The following ZNF423 variants were observed in gnomAD, a reference collection of about 807,000 sequenced individuals.
ZNF423 encodes zinc finger protein 423, also known as Ebf-associated zinc finger protein.
In ZNF423, 12 loss-of-function variants were observed where a neutral mutation model predicts 95.8. The ratio of observed to expected loss-of-function variants is 0.13; its 90% confidence interval spans 0.08 to 0.20. ZNF423 has a LOEUF of 0.20. Ranked by LOEUF, ZNF423 falls within the 10% of genes least tolerant of loss-of-function variation. The pLI is 1.00. For missense variants in ZNF423, 1,316 were observed against 1,737.1 expected, an observed-to-expected ratio of 0.76 and a Z score of 4.31; for synonymous variants, 749 against 711.9, an observed-to-expected ratio of 1.05 and a Z score of -0.83.
At chr16:49,581,151 G>C (rs1178218569) in intron 5 of ZNF423, among the ~76,000 whole-genome samples, 1 of 143,074 alleles carries the variant, frequency 7.0e-6, no homozygotes, top group Non-Finnish European at 1.6e-5. Flanking sequence ...TGTTCCTCCA[G>C]CCCCACTGAT....
At position 49,563,223 on chromosome 16, in the gene ZNF423, G is replaced by A. The variant is rs548203509; in HGVS notation, c.3602-37729C>T. Among the ~76,000 whole-genome samples, 6 of 152,262 alleles carry A rather than the reference G, an allele frequency of 3.9e-5. No homozygotes were observed. The South Asian group carries it at 6.2e-4, about 16-fold the overall frequency. On this transcript the variant is annotated intron_variant, in intron 5 of 7. Coordinates refer to ENST00000563137, the MANE Select transcript of ZNF423 (RefSeq NM_001379286.1). ...GTGTTTGGATCACAGGGGAAGGAGC[G>A]TGAGTGAGTTCTTGTTCTGTTAGTT...
chr16:49,566,729 C>A (rs1291352611), intron 5 of ZNF423, among the ~76,000 whole-genome samples: 1 of 152,140 alleles, frequency 6.6e-6, no homozygotes, highest in South Asian at 2.1e-4. Flanking sequence ...TGTGCTGATG[C>A]GCAGCCAGTG....
At chr16:49,776,600 T>C (rs1360648392) in intron 2 of ZNF423, among the ~76,000 whole-genome samples, 1 of 152,160 alleles carries the variant, frequency 6.6e-6, no homozygotes, top group Non-Finnish European at 1.5e-5. Flanking sequence ...AGGCCCCTGG[T>C]CTCTTAAAGA....
intron 3 of ZNF423, among the ~76,000 whole-genome samples, chr16:49,683,096 C>T (rs758341506): frequency 1.1e-4 from 16 of 152,180 alleles, no homozygotes; most frequent in Non-Finnish European, 1.6e-4. Context: ...GTATTTCTCC[C>T]CAGTAATAAT....
At chr16:49,628,654 T>C (rs1972394225) in intron 4 of ZNF423, among the ~76,000 whole-genome samples, 1 of 152,242 alleles carries the variant, frequency 6.6e-6, no homozygotes, top group East Asian at 1.9e-4. Context: ...ACACTGTTCC[T>C]GCCAACTCTG....
chr16:49,789,449 AC>A, intron 2 of ZNF423, 37 bp downstream of exon 2: 1 of 1,594,002 alleles, frequency 6.3e-7, no homozygotes. Context: ...AGCCCCCAGG[AC>A]CCCCTGCAAC....
chr16:49,607,576 C>A (rs1247645759), intron 5 of ZNF423, among the ~76,000 whole-genome samples: 1 of 152,132 alleles, frequency 6.6e-6, no homozygotes, highest in Non-Finnish European at 1.5e-5. Context: ...AATCCTCTTC[C>A]CAAAGTGAAA....
In ZNF423 at chr16:49,688,031, C is replaced by T. The variant is rs139306443; in HGVS notation, c.301+42740G>A. 3.6e-3 allele frequency among the ~76,000 whole-genome samples: 456 copies of T among 127,592 alleles called. 7 individuals carry two copies. In the East Asian group the frequency reaches 0.049, roughly 14 times the overall value. The allele number at this position is 127,592 out of a possible 152,430, so 83.7% of individuals were successfully genotyped here. A position where few individuals can be genotyped will look rare whatever the true frequency, so the allele number is the denominator to read the frequency against. On this transcript the variant is annotated intron_variant, in intron 3 of 7. Coordinates refer to ENST00000563137, the MANE Select transcript of ZNF423 (RefSeq NM_001379286.1). ...GGGACCCAGGGACCCACAGTGGGAG[C>T]GGGTGCTGCAGACCACGGTGCGGTT...
chr16:49,784,744 G>A (rs973679900), intron 2 of ZNF423, among the ~76,000 whole-genome samples: 4 of 152,146 alleles, frequency 2.6e-5, no homozygotes, highest in African/African-American at 9.7e-5. Flanking sequence ...GAGGTCAGGA[G>A]TTCAAGACCA....
intron 2 of ZNF423, among the ~76,000 whole-genome samples, chr16:49,770,605 G>A (rs2034015273): frequency 6.6e-6 from 1 of 152,142 alleles, no homozygotes; most frequent in Non-Finnish European, 1.5e-5. Flanking sequence ...CAAAGGGTTT[G>A]TGGAAGGCAG....
chr16:49,499,972 G>T (rs565176016), intron 7 of ZNF423, among the ~76,000 whole-genome samples: 2 of 152,160 alleles, frequency 1.3e-5, no homozygotes, highest in Non-Finnish European at 2.9e-5. Flanking sequence ...GGACTCAGGG[G>T]AGCTGCACTT....
In ZNF423 at chr16:49,490,699, G is replaced by A. The variant is rs1241157674; in HGVS notation, c.*576C>T. 2.6e-5 allele frequency: 4 copies of A among 154,800 alleles called. No individual in the cohort carries two copies. The highest frequency in any genetic ancestry group is 2.0e-4 in the South Asian group (1 of 4,998). The allele number at this position is 154,800 out of a possible 1,614,324, so 9.6% of individuals were successfully genotyped here. The stretch of plus-strand genomic sequence containing the variant: ...CAGACCATCCAGTTGCACTGAAACC[G>A]ATTATATTCATTACATAGTTTTAAT... On this transcript the variant is annotated 3_prime_UTR_variant, in exon 8 of 8. Coordinates refer to ENST00000563137, the MANE Select transcript of ZNF423 (RefSeq NM_001379286.1).
At chr16:49,524,399 G>A (rs1052824334) in intron 6 of ZNF423, among the ~76,000 whole-genome samples, 3 of 152,210 alleles carry the variant, frequency 2.0e-5, no homozygotes, top group Non-Finnish European at 2.9e-5. Flanking sequence ...GTTGGCAGAC[G>A]GGCAGCTGGG....
At chr16:49,832,270 G>A (rs2035068822) in intron 1 of ZNF423, among the ~76,000 whole-genome samples, 1 of 152,214 alleles carries the variant, frequency 6.6e-6, no homozygotes, top group African/African-American at 2.4e-5. Flanking sequence ...AGCTGACCGA[G>A]CTGGGCGGCG....
chr16:49,534,902 T>C (rs1449954313), intron 5 of ZNF423, among the ~76,000 whole-genome samples: 1 of 152,218 alleles, frequency 6.6e-6, no homozygotes, highest in African/African-American at 2.4e-5. Context: ...TGTGGCTCGC[T>C]GCAGCTTCCT....
intron 5 of ZNF423, among the ~76,000 whole-genome samples, chr16:49,560,167 G>A (rs1396978575): frequency 6.6e-6 from 1 of 152,128 alleles, no homozygotes; most frequent in Non-Finnish European, 1.5e-5. Context: ...CCATCATCAC[G>A]GCAGTGACGA....
intron 4 of ZNF423, among the ~76,000 whole-genome samples, chr16:49,633,030 C>T (rs1972557828): frequency 6.6e-6 from 1 of 152,182 alleles, no homozygotes; most frequent in African/African-American, 2.4e-5. Context: ...CCCCAGCTGG[C>T]CTTTCCCTTC....
At chr16:49,534,443 G>A (rs565084954) in intron 5 of ZNF423, among the ~76,000 whole-genome samples, 1 of 152,192 alleles carries the variant, frequency 6.6e-6, no homozygotes, top group South Asian at 2.1e-4. Context: ...AGTAGAGATG[G>A]GGTTTCACCA....
intron 1 of ZNF423, among the ~76,000 whole-genome samples, chr16:49,790,428 G>A (rs569411697): frequency 4.6e-5 from 7 of 152,334 alleles, no homozygotes; most frequent in East Asian, 3.9e-4. Flanking sequence ...CTTCCTCAAC[G>A]GACTCTCAGA....
Sources: allele counts gnomAD v4.1 joint callset (sites outside exome capture counted in the v4.1 genomes callset), GRCh38; gene constraint gnomAD v4.1.1; transcripts MANE v1.5; gene names NCBI Gene and HGNC (gene_info 2026-07-23, HGNC 2026-07-21).